ALOX15B: variants seen among roughly 807,000 people sequenced by gnomAD.
ALOX15B encodes polyunsaturated fatty acid lipoxygenase ALOX15B.
ALOX15B carries 74 observed loss-of-function variants against 73.8 expected under a neutral mutation model. The ratio of observed to expected loss-of-function variants is 1.00; its 90% CI spans 0.83 to 1.22. The LOEUF (loss-of-function observed/expected upper bound fraction) is 1.22, where lower values mean the gene tolerates loss of function less well. Among genes scored for constraint, ALOX15B ranks in the 50% most tolerant of loss-of-function variants. The pLI is 0.00. For missense variants in ALOX15B, 896 were observed against 859.9 expected, an observed-to-expected ratio of 1.04 and a Z score of -0.52; for synonymous variants, 353 against 357.2, an observed-to-expected ratio of 0.99 and a Z score of 0.13.
intron 3 of ALOX15B, among the ~76,000 whole-genome samples, chr17:8,041,143 G>A (rs571905467): frequency 3.9e-5 from 6 of 152,336 alleles, no homozygotes; most frequent in Admixed American, 2.0e-4. Context: ...AGCCCCAAGA[G>A]AGGGAATAGA....
chr17:8,046,253 G>A (rs1302425633), intron 8 of ALOX15B, among the ~76,000 whole-genome samples: 1 of 152,208 alleles, frequency 6.6e-6, no homozygotes, highest in Non-Finnish European at 1.5e-5. Context: ...GTACTAGCTG[G>A]TTCTTTCTGA....
At chr17:8,045,024 C>T (rs760319119) in intron 6 of ALOX15B, 23 bp downstream of exon 6, 2 of 1,613,202 alleles carry the variant, frequency 1.2e-6, no homozygotes, top group East Asian at 2.2e-5. Context: ...GGGATCTTGG[C>T]TCTGCACAGT....
At chr17:8,042,728 A>G in intron 4 of ALOX15B, 53 bp from the exon 5 acceptor site, 1 of 1,488,872 alleles carries the variant, frequency 6.7e-7, no homozygotes, top group Non-Finnish European at 9.1e-7. Flanking sequence ...GCTGACAGGG[A>G]AGGGTCTCCC....
intron 3 of ALOX15B, among the ~76,000 whole-genome samples, chr17:8,040,649 A>G (rs899635627): frequency 8.9e-6 from 1 of 112,760 alleles, no homozygotes; most frequent in Non-Finnish European, 2.2e-5. Context: ...GAAAGAAAGA[A>G]AGAAAAGAAA....
chr17:8,045,730 G>A, intron 8 of ALOX15B, 44 bp downstream of exon 8: 2 of 1,597,988 alleles, frequency 1.3e-6, no homozygotes, highest in Non-Finnish European at 1.7e-6. Context: ...CCATGCCTCT[G>A]TGCCTCTTCT....
intron 8 of ALOX15B, among the ~76,000 whole-genome samples, chr17:8,045,925 G>GGAAGGGGAAGGACCT (rs1976597012): frequency 6.6e-6 from 1 of 151,684 alleles, no homozygotes; most frequent in Non-Finnish European, 1.5e-5. Context: ...AGCCGTCATA[G>GGAAGGGGAAGGACCT]AAGCCCAAAT....
Position 8,044,939 on chromosome 17 carries a change from G to T in ALOX15B, c.787G>T (p.Val263Phe), listed in dbSNP as rs201480696. Residue 263 changes from valine (V) to phenylalanine (F), a missense_variant, in exon 6 of 14, where the codon GTC becomes TTC. Val to Phe is a conservative substitution (Grantham distance 50). Transcript: ENST00000380183. ...RCHYLPKNFPVTDAMVASVLG... is the reference protein window; with the variant it reads ...RCHYLPKNFPFTDAMVASVLG... ...TCACTACCTCCCAAAGAACTTCCCC[G>T]TCACTGATGCCATGGTGGCCTCAGT... The T allele has an allele frequency of 3.0e-5, 48 of 1,614,004 alleles. No individual in the cohort carries two copies. In the East Asian group the frequency reaches 9.4e-4, roughly 31 times the overall value.
At chr17:8,048,138 T>C (rs1976663614) in intron 13 of ALOX15B, among the ~76,000 whole-genome samples, 1 of 152,240 alleles carries the variant, frequency 6.6e-6, no homozygotes, top group East Asian at 1.9e-4. Context: ...CGTGTAATTA[T>C]GCTTCTTGGA....
At position 8,047,772 on chromosome 17, in the gene ALOX15B, C is replaced by G; in HGVS notation, c.1708C>G (p.Leu570Val). The G allele has an allele frequency of 2.5e-6, 4 of 1,614,212 alleles. No homozygotes were observed. Among genetic ancestry groups the G allele is most frequent in the Non-Finnish European group, 3.4e-6 (4 of 1,180,030 alleles). ...TGACTCCTGTGCTTGGATGCCCAAC[C>G]TGCCACCCAGCATGCAGCTGCCACC... is the stretch of plus-strand genomic sequence containing the variant. ...QFDSCAWMPNLPPSMQLPPPT... is the reference protein window; with the variant it reads ...QFDSCAWMPNVPPSMQLPPPT... The change falls in exon 13 of 14, where the codon CTG becomes GTG. Residue 570 changes from leucine (L) to valine (V), a missense_variant. Coordinates refer to ENST00000380183, the MANE Select transcript of ALOX15B (RefSeq NM_001141.3).
rs1430287587 is a variant in ALOX15B, at chr17:8,039,561, A to T, written c.323A>T (p.Gln108Leu). The stretch of plus-strand genomic sequence containing the variant: ...GGCCACCTCCTCTTCCCCTGCTACC[A>T]GTGGCTGGAGGGGGCGGGGACCCTG... ...RGGHLLFPCY[Q>L]WLEGAGTLVL... The change falls in exon 2 of 14, where the codon CAG (glutamine) becomes CTG (leucine). Residue 108 changes from glutamine to leucine, a missense_variant. By Grantham distance (113) the Gln-to-Leu change is moderately radical. Coordinates refer to ENST00000380183, the MANE Select transcript of ALOX15B (RefSeq NM_001141.3). 7.8e-7 allele frequency: 1 copy of T among 1,289,040 alleles called. No homozygotes were observed. Among genetic ancestry groups the T allele is most frequent in the African/African-American group, 1.8e-5 (1 of 56,950 alleles). 79.9% of individuals were successfully genotyped at this position (1,289,040 alleles called of 1,614,324 possible). A position where few individuals can be genotyped will look rare whatever the true frequency, so the allele number is the denominator to read the frequency against.
chr17:8,043,605 TG>T (rs1170067491), intron 5 of ALOX15B, among the ~76,000 whole-genome samples: 1 of 152,050 alleles, frequency 6.6e-6, no homozygotes, highest in Non-Finnish European at 1.5e-5. Context: ...TGTGCACTGC[TG>T]GGGGGCAAGA....
Position 8,046,612 on chromosome 17 carries a change from T to C in ALOX15B, c.1201-56T>C, listed in dbSNP as rs1487195785. ...GGGCTGGTGCCTGTGTGGGGGAAGG[T>C]CTGGGGCCAGAACAACCCAGGCCTC... is the stretch of plus-strand genomic sequence containing the variant. On this transcript the variant is annotated intron_variant, in intron 8 of 13. Transcript: ENST00000380183. The C allele has an allele frequency of 7.7e-6, 12 of 1,555,586 alleles. No homozygotes were observed. In the African/African-American group the frequency reaches 1.6e-4, roughly 21 times the overall value.
At chr17:8,044,151 G>GGAAGGAAGGAAGGAAGGAAGGAAAGAAA (rs796365678) in intron 5 of ALOX15B, among the ~76,000 whole-genome samples, 11 of 114,592 alleles carry the variant, frequency 9.6e-5, no homozygotes, top group South Asian at 2.7e-4. Flanking sequence ...AAGGAAGGAA[G>GGAAGGAAGGAAGGAAGGAAGGAAAGAAA]GAAAGAAAGA....
At chr17:8,040,215 C>T (rs1408684919) in intron 3 of ALOX15B, among the ~76,000 whole-genome samples, 1 of 152,122 alleles carries the variant, frequency 6.6e-6, no homozygotes, top group Non-Finnish European at 1.5e-5. Flanking sequence ...ACAAGCCTTC[C>T]AGATGACTCT....
chr17:8,045,773 C>T (rs1409806428), intron 8 of ALOX15B, 87 bp downstream of exon 8: 2 of 1,436,808 alleles, frequency 1.4e-6, no homozygotes, highest in Non-Finnish European at 1.9e-6. Flanking sequence ...CCTATCCATG[C>T]AAGCTGGGAT....
In ALOX15B at chr17:8,048,520, CA is replaced by C. The variant is rs762135895; in HGVS notation, c.1987del (p.Thr663ProfsTer3). 1 of 1,614,158 alleles carries C rather than the reference CA, an allele frequency of 6.2e-7. No homozygotes were observed. Among genetic ancestry groups the C allele is most frequent in the South Asian group, 1.1e-5 (1 of 91,082 alleles). ...ERNQGLVLPY[T>X]YLDPPLIENS... ...GGAACCAGGGCCTGGTGCTGCCCTA[CA>C]CCTACCTAGACCCTCCCCTCATCGA... On this transcript the variant is annotated frameshift_variant, in exon 14 of 14. Transcript: ENST00000380183. LOFTEE classifies it high-confidence loss of function.
chr17:8,039,862 G>GTT (rs1976387490), intron 2 of ALOX15B, 40 bp from the exon 3 acceptor site: 1 of 1,575,534 alleles, frequency 6.3e-7, no homozygotes, highest in East Asian at 2.2e-5. Context: ...GTGATGGTGA[G>GTT]TTTCTCTCCC....
Position 8,047,587 on chromosome 17 carries a change from C to G in ALOX15B, c.1603C>G (p.Arg535Gly). The change falls in exon 12 of 14, where the codon CGG becomes GGG. Residue 535 changes from arginine (R) to glycine (G), a missense_variant. Coordinates refer to ENST00000380183, the MANE Select transcript of ALOX15B (RefSeq NM_001141.3). Reference protein sequence around the residue: ...SSGIPSSLETREALVQYVTMV... With the variant: ...SSGIPSSLETGEALVQYVTMV... ...AGGTATACCCTCCTCACTGGAGACC[C>G]GGGAAGCCCTGGTGCAGTATGTCAC... is the stretch of plus-strand genomic sequence containing the variant. 6.2e-7 allele frequency: 1 copy of G among 1,608,148 alleles called. No individual in the cohort carries two copies.
chr17:8,042,763 C>T lies in ALOX15B; in HGVS notation c.573-18C>T. On this transcript the variant is annotated intron_variant, in intron 4 of 13. Transcript: ENST00000380183. The stretch of plus-strand genomic sequence containing the variant: ...CAGGGCCTCCTCCCCACTCCCCACC[C>T]CTCACATCCCCTGGCAGTTTTGCAG... 6.5e-7 allele frequency: 1 copy of T among 1,548,788 alleles called. No individual in the cohort carries two copies.
Sources: gnomAD v4.1 joint callset for allele counts (sites outside exome capture counted in the v4.1 genomes callset) on GRCh38, gnomAD v4.1.1 for gene constraint, MANE v1.5 for transcripts, NCBI Gene and HGNC (gene_info 2026-07-23, HGNC 2026-07-21) for gene names.